The following DLG2 variants were observed in gnomAD, a reference collection of about 807,000 sequenced individuals.
DLG2 encodes the protein discs large MAGUK scaffold protein 2.
A neutral mutation model predicts 132.5 loss-of-function variants in DLG2; 45 were observed. That is an observed-to-expected ratio of 0.34 (90% confidence interval 0.27 to 0.44). The LOEUF (loss-of-function observed/expected upper bound fraction) is 0.44. DLG2 is among the 20% of genes least tolerant of loss of function. The pLI, the probability that DLG2 is intolerant of heterozygous loss-of-function variation, is 1.00. For missense variants in DLG2, 1,045 were observed against 1,196.9 expected (o/e 0.87, Z 1.87); for synonymous variants, 424 against 419.6 (o/e 1.01, Z -0.13).
In DLG2 at chr11:84,311,834, T is replaced by G. The variant is rs138405372; in HGVS notation, c.520-60543A>C. Among the ~76,000 whole-genome samples, 428 of 152,318 alleles carry G rather than the reference T, an allele frequency of 2.8e-3. 3 individuals carry two copies. Among genetic ancestry groups the G allele is most frequent in the African/African-American group, 9.6e-3 (399 of 41,566 alleles). On this transcript the variant is annotated intron_variant, in intron 7 of 27. Transcript: ENST00000376104. ...AATGTTCCGGGCAAATAGAACTGTG[T>G]GCACAGGCACCAAGGTGTTACATGC...
intron 6 of DLG2, among the ~76,000 whole-genome samples, chr11:84,941,175 T>A (rs570350894): frequency 4.6e-5 from 7 of 152,338 alleles, no homozygotes; most frequent in African/African-American, 1.7e-4. Flanking sequence ...CCTCCAGTTT[T>A]GTTCTTTTTC....
intron 4 of DLG2, among the ~76,000 whole-genome samples, chr11:85,214,470 C>A (rs1416577808): frequency 6.6e-6 from 1 of 152,110 alleles, no homozygotes; most frequent in Non-Finnish European, 1.5e-5. Flanking sequence ...CACGTCCCTG[C>A]CCACTACCAA....
chr11:84,157,608 T>C (rs1206570063), intron 9 of DLG2, among the ~76,000 whole-genome samples: 1 of 152,166 alleles, frequency 6.6e-6, no homozygotes, highest in Non-Finnish European at 1.5e-5. Flanking sequence ...CACTCTCTTT[T>C]ACATGGCTTG....
At chr11:85,162,672 A>G (rs2078126208) in intron 4 of DLG2, among the ~76,000 whole-genome samples, 1 of 152,200 alleles carries the variant, frequency 6.6e-6, no homozygotes. Flanking sequence ...ATGTAGTAGT[A>G]TTTGGGTTGG....
intron 12 of DLG2, among the ~76,000 whole-genome samples, chr11:83,966,960 A>G (rs1389290887): frequency 1.3e-5 from 2 of 151,966 alleles, no homozygotes; most frequent in African/African-American, 4.8e-5. Flanking sequence ...TTATTTTTTA[A>G]GATTCCACAT....
intron 3 of DLG2, among the ~76,000 whole-genome samples, chr11:85,395,344 G>A (rs923808625): frequency 3.3e-5 from 5 of 152,160 alleles, no homozygotes; most frequent in Non-Finnish European, 7.4e-5. Flanking sequence ...TATCGAGGCA[G>A]AAGAGGGGTG....
chr11:85,022,593 G>T (rs530064992), intron 6 of DLG2, among the ~76,000 whole-genome samples: 50 of 152,116 alleles, frequency 3.3e-4, no homozygotes, highest in African/African-American at 1.2e-3. Context: ...TTACTCAACT[G>T]CTTTGAGCCA....
chr11:83,627,001 C>T (rs1387985158), intron 19 of DLG2, among the ~76,000 whole-genome samples: 1 of 152,008 alleles, frequency 6.6e-6, no homozygotes, highest in African/African-American at 2.4e-5. Flanking sequence ...ATGAGAGAGG[C>T]TTATCTCACT....
intron 3 of DLG2, among the ~76,000 whole-genome samples, chr11:85,492,178 C>G (rs1372440968): frequency 2.0e-5 from 3 of 152,112 alleles, no homozygotes; most frequent in Admixed American, 2.0e-4. Context: ...TCAATTTAGC[C>G]ATGCCACATA....
chr11:85,297,789 G>C (rs1001826787), intron 3 of DLG2, among the ~76,000 whole-genome samples: 9 of 152,128 alleles, frequency 5.9e-5, no homozygotes, highest in African/African-American at 1.9e-4. Context: ...ATCAAGATGA[G>C]AAGGGTATTC....
chr11:83,982,676 T>A (rs1421656620), intron 11 of DLG2, among the ~76,000 whole-genome samples: 1 of 152,144 alleles, frequency 6.6e-6, no homozygotes. Context: ...CTAGCCTAAG[T>A]GTACAGTGTT....
intron 3 of DLG2, among the ~76,000 whole-genome samples, chr11:85,348,982 T>C (rs2083074295): frequency 6.6e-6 from 1 of 152,160 alleles, no homozygotes. Context: ...AATAAAATTC[T>C]AAGCCCCCAA....
chr11:85,062,915 T>A (rs2064324276), intron 6 of DLG2, among the ~76,000 whole-genome samples: 1 of 151,726 alleles, frequency 6.6e-6, no homozygotes, highest in Non-Finnish European at 1.5e-5. Flanking sequence ...TTTTTACAAT[T>A]GTTAAAATGC....
chr11:83,545,706 T>C (rs60846553), intron 19 of DLG2, among the ~76,000 whole-genome samples: 30,725 of 152,044 alleles, frequency 0.2, 3,371 homozygotes, highest in African/African-American at 0.24. Flanking sequence ...ACTCCTGCTG[T>C]TAGCTGCAGG....
At chr11:83,496,712 T>C (rs1398109799) in intron 21 of DLG2, among the ~76,000 whole-genome samples, 4 of 152,138 alleles carry the variant, frequency 2.6e-5, no homozygotes, top group African/African-American at 9.7e-5. Flanking sequence ...TTCCAATGAC[T>C]GTAAGTCCAA....
chr11:84,398,497 C>T (rs2098818490), intron 7 of DLG2, among the ~76,000 whole-genome samples: 1 of 152,094 alleles, frequency 6.6e-6, no homozygotes, highest in Non-Finnish European at 1.5e-5. Context: ...AACTGGGTAC[C>T]TTATAAGAAT....
chr11:84,456,941 G>A (rs535021390), intron 7 of DLG2, among the ~76,000 whole-genome samples: 2 of 151,244 alleles, frequency 1.3e-5, no homozygotes, highest in South Asian at 2.1e-4. Context: ...TTAAAAAAAA[G>A]GTACAGCAAC....
At chr11:84,256,582 C>T (rs147458298) in intron 7 of DLG2, among the ~76,000 whole-genome samples, 6 of 152,280 alleles carry the variant, frequency 3.9e-5, no homozygotes, top group South Asian at 4.1e-4. Context: ...ATTGTCATTA[C>T]GCCAATTTAA....
intron 7 of DLG2, among the ~76,000 whole-genome samples, chr11:84,438,465 AAAAAAAT>A (rs1001733863): frequency 8.7e-5 from 13 of 148,582 alleles, no homozygotes; most frequent in South Asian, 4.2e-4. Context: ...ACTCTTTTTA[AAAAAAAT>A]AAAAAATAAA....
Sources: gnomAD v4.1 joint callset for allele counts (sites outside exome capture counted in the v4.1 genomes callset) on GRCh38, gnomAD v4.1.1 for gene constraint, MANE v1.5 for transcripts, NCBI Gene and HGNC (gene_info 2026-07-23, HGNC 2026-07-21) for gene names.